ACSL4: variants seen among roughly 807,000 people sequenced by gnomAD.
The protein encoded by ACSL4 is acyl-CoA synthetase long chain family member 4.
In ACSL4, 9 loss-of-function variants were observed where a neutral mutation model predicts 49.1. That is an observed-to-expected ratio of 0.18 (90% CI 0.11 to 0.32). ACSL4 has a LOEUF of 0.32. Among genes scored for constraint, ACSL4 ranks in the 10% least tolerant of loss-of-function variants. The probability of loss-of-function intolerance (pLI) is 1.00; values close to 1 mark genes in which losing one functional copy is unlikely to be tolerated. For synonymous variants in ACSL4, 191 were observed against 170.3 expected (o/e 1.12, Z -0.95); for missense variants, 333 against 493.7 (o/e 0.67, Z 3.08).
chrX:109,650,878 A>T (rs1921059306), intron 15 of ACSL4, among the ~76,000 whole-genome samples: 1 of 111,954 alleles, frequency 8.9e-6, no homozygotes, highest in African/African-American at 3.2e-5. Flanking sequence ...CCATAAATAC[A>T]TACAAGTTTA....
At chrX:109,644,513 CAT>C (rs1186240362) in intron 15 of ACSL4, among the ~76,000 whole-genome samples, 2 of 111,843 alleles carry the variant, frequency 1.8e-5, no homozygotes, top group African/African-American at 3.3e-5. Flanking sequence ...CACACACACA[CAT>C]ACACACACAT....
At position 109,659,338 on chromosome X, in the gene ACSL4, G is replaced by A. The variant is rs763686403; in HGVS notation, c.1855+16C>T. On this transcript the variant is annotated intron_variant, in intron 15 of 15. Coordinates refer to ENST00000672401, the MANE Select transcript of ACSL4 (RefSeq NM_001318510.2). ...GACTTTTAGGGACTATACCAGTCTA[G>A]CAATTTCTTACTTACTGGCATTTGC... The A allele has an allele frequency of 3.3e-6, 4 of 1,200,897 alleles. No homozygotes were observed. The African/African-American group carries it at 7.0e-5, about 21-fold the overall frequency.
intron 15 of ACSL4, 78 bp from the exon 16 acceptor site, chrX:109,644,264 G>T: frequency 3.2e-6 from 3 of 943,821 alleles, no homozygotes; most frequent in Non-Finnish European, 4.4e-6. Context: ...GGGGAAAGAA[G>T]GGGAAGGAGA....
intron 1 of ACSL4, among the ~76,000 whole-genome samples, chrX:109,723,789 T>A (rs1309377690): frequency 8.9e-6 from 1 of 112,512 alleles, no homozygotes; most frequent in Non-Finnish European, 1.9e-5. Flanking sequence ...AAAAATGAGA[T>A]GATTTTGGTA....
intron 15 of ACSL4, among the ~76,000 whole-genome samples, chrX:109,653,985 A>AATAT (rs1232093437): frequency 7.4e-5 from 8 of 107,700 alleles, no homozygotes; most frequent in Non-Finnish European, 1.3e-4. Flanking sequence ...TATTTGAAAA[A>AATAT]ATATATATAT....
In ACSL4 at chrX:109,644,160, T is replaced by C. The variant is rs756646168; in HGVS notation, c.1882A>G (p.Ile628Val). Residue 628 changes from isoleucine (I) to valine (V), a missense_variant, in exon 16 of 16, where the codon ATC (isoleucine) becomes GTC (valine). By Grantham distance (29) the Ile-to-Val change is conservative. This residue lies in a region of ACSL4 where 175 missense variants were observed against 275.8 expected (regional missense o/e 0.63). Transcript: ENST00000672401. ...AMKLERFEIPIKVRLSPEPWT... is the reference protein window; with the variant it reads ...AMKLERFEIPVKVRLSPEPWT... ...GGCTCTGGGCTTAATCGAACCTTGA[T>C]TGGAATTTCAAATCGCTCCAATTTC... 2.2e-5 allele frequency: 26 copies of C among 1,205,926 alleles called. No homozygotes were observed. The highest frequency in any genetic ancestry group is 1.8e-4 in the African/African-American group (10 of 56,701).
chrX:109,700,378 C>T (rs756437129), intron 1 of ACSL4, among the ~76,000 whole-genome samples: 33 of 107,604 alleles, frequency 3.1e-4, no homozygotes, highest in Non-Finnish European at 5.2e-4. Context: ...CTAGAAATAA[C>T]AAAAATAAAT....
chrX:109,697,900 T>C (rs1221963140), intron 1 of ACSL4, among the ~76,000 whole-genome samples: 1 of 109,651 alleles, frequency 9.1e-6, no homozygotes, highest in African/African-American at 3.3e-5. Flanking sequence ...CATCTAAAGA[T>C]CTAAAGGTAG....
chrX:109,644,511 C>A (rs1214500790), intron 15 of ACSL4, among the ~76,000 whole-genome samples: 1 of 111,881 alleles, frequency 8.9e-6, no homozygotes, highest in Non-Finnish European at 1.9e-5. Context: ...CACACACACA[C>A]ACATACACAC....
At chrX:109,693,185 C>T (rs747255319) in intron 2 of ACSL4, among the ~76,000 whole-genome samples, 1 of 111,126 alleles carries the variant, frequency 9.0e-6, no homozygotes, top group East Asian at 2.8e-4. Flanking sequence ...AGTCTTAAAC[C>T]ATTTCTTATA....
intron 2 of ACSL4, among the ~76,000 whole-genome samples, chrX:109,695,349 C>CA (rs34826689): frequency 0.42 from 39,964 of 94,287 alleles, 7,651 homozygotes; most frequent in Middle Eastern, 0.61. Context: ...CATCTTGGGG[C>CA]AAAAAAAAAA....
intron 1 of ACSL4, among the ~76,000 whole-genome samples, chrX:109,707,117 C>T (rs1926407685): frequency 8.9e-6 from 1 of 111,981 alleles, no homozygotes; most frequent in Non-Finnish European, 1.9e-5. Context: ...TTTTTAGAAA[C>T]ATAGACCCTT....
intron 2 of ACSL4, among the ~76,000 whole-genome samples, chrX:109,693,662 G>GT (rs1925207520): frequency 8.9e-6 from 1 of 111,897 alleles, no homozygotes; most frequent in African/African-American, 3.3e-5. Context: ...TTATGCTTCA[G>GT]TAAGATGAGT....
intron 6 of ACSL4, among the ~76,000 whole-genome samples, chrX:109,680,498 G>A (rs1332755176): frequency 8.9e-6 from 1 of 112,275 alleles, no homozygotes; most frequent in Non-Finnish European, 1.9e-5. Context: ...ATGGCCAACT[G>A]ACATTTTGCT....
At chrX:109,704,248 T>C (rs964874860) in intron 1 of ACSL4, among the ~76,000 whole-genome samples, 1 of 111,774 alleles carries the variant, frequency 8.9e-6, no homozygotes, top group Admixed American at 9.5e-5. Context: ...AGTTTTCACT[T>C]TATCCATTTT....
chrX:109,676,765 AGAAG>A (rs1392711802), intron 8 of ACSL4, among the ~76,000 whole-genome samples: 2 of 111,470 alleles, frequency 1.8e-5, no homozygotes, highest in Non-Finnish European at 3.8e-5. Flanking sequence ...AACTACAGAG[AGAAG>A]GAAGAATCCT....
At chrX:109,684,312 G>A (rs1336471212) in intron 2 of ACSL4, among the ~76,000 whole-genome samples, 1 of 112,733 alleles carries the variant, frequency 8.9e-6, no homozygotes, top group Non-Finnish European at 1.9e-5. Flanking sequence ...CCTAGGAGTG[G>A]TAATACAAGT....
intron 1 of ACSL4, among the ~76,000 whole-genome samples, chrX:109,706,974 T>A (rs982740166): frequency 1.2e-4 from 14 of 112,505 alleles, no homozygotes; most frequent in Non-Finnish European, 2.3e-4. Context: ...GGCAAAAACA[T>A]AAGTCTTACA....
chrX:109,695,346 G>A (rs1456927429), intron 2 of ACSL4, among the ~76,000 whole-genome samples: 2 of 78,899 alleles, frequency 2.5e-5, no homozygotes, highest in Non-Finnish European at 6.2e-5. Flanking sequence ...CTCCATCTTG[G>A]GGCAAAAAAA....
Sources: gnomAD v4.1 joint callset for allele counts (sites outside exome capture counted in the v4.1 genomes callset) on GRCh38, gnomAD v4.1.1 for gene constraint, gnomAD v4.1.1 regional missense constraint, MANE v1.5 for transcripts, NCBI Gene and HGNC (gene_info 2026-07-23, HGNC 2026-07-21) for gene names.